GRM8: variants seen among roughly 807,000 people sequenced by gnomAD.
The protein encoded by GRM8 is glutamate metabotropic receptor 8.
GRM8 carries 47 observed loss-of-function variants against 87.2 expected under a neutral mutation model. The ratio of observed to expected loss-of-function variants is 0.54; its 90% CI spans 0.43 to 0.69. GRM8 has a LOEUF of 0.69. GRM8 is among the 30% of genes least tolerant of loss of function. GRM8 has a pLI of 0.00. For synonymous variants in GRM8, 396 were observed against 404.5 expected, an observed-to-expected ratio of 0.98 and a Z score of 0.25; for missense variants, 1,019 against 1,139.2, an observed-to-expected ratio of 0.89 and a Z score of 1.52.
intron 2 of GRM8, among the ~76,000 whole-genome samples, chr7:127,169,911 C>T (rs1360381486): frequency 2.0e-5 from 3 of 152,086 alleles, no homozygotes; most frequent in African/African-American, 4.8e-5. Context: ...TATTATTGTT[C>T]GTAGACAATG....
chr7:126,872,744 A>G (rs541407942), intron 6 of GRM8, among the ~76,000 whole-genome samples: 1 of 152,130 alleles, frequency 6.6e-6, no homozygotes, highest in Non-Finnish European at 1.5e-5. Flanking sequence ...AGTGTACTGC[A>G]TATATTACAC....
chr7:126,551,871 T>G (rs1325015777), intron 8 of GRM8, among the ~76,000 whole-genome samples: 5 of 152,114 alleles, frequency 3.3e-5, no homozygotes, highest in African/African-American at 1.2e-4. Flanking sequence ...TTTACTTCTC[T>G]AATGAAAATT....
chr7:127,097,335 A>C lies in GRM8; in HGVS notation c.727+9161T>G, dbSNP rs28951989. On this transcript the variant is annotated intron_variant, in intron 3 of 10. Coordinates refer to ENST00000339582, the MANE Select transcript of GRM8 (RefSeq NM_000845.3). Reference sequence around the variant, plus strand: ...AAATAATATTCAATAACCAAGGATGACAAAAACAGGACAGGGTAGAATACT... The same window carrying C: ...AAATAATATTCAATAACCAAGGATGCCAAAAACAGGACAGGGTAGAATACT... Among the ~76,000 whole-genome samples, 11 of 152,308 alleles carry C rather than the reference A, an allele frequency of 7.2e-5. No homozygotes were observed. The East Asian group carries it at 1.9e-3, about 27-fold the overall frequency.
At chr7:127,067,671 G>A (rs991498839) in intron 3 of GRM8, among the ~76,000 whole-genome samples, 2 of 151,986 alleles carry the variant, frequency 1.3e-5, no homozygotes, top group African/African-American at 2.4e-5. Context: ...TGTTTTAAAG[G>A]GTATTATCCT....
At chr7:126,516,921 T>C (rs1812254256) in intron 9 of GRM8, among the ~76,000 whole-genome samples, 1 of 152,098 alleles carries the variant, frequency 6.6e-6, no homozygotes, top group Admixed American at 6.6e-5. Flanking sequence ...ATTTAAAGAT[T>C]TCTTGACAGA....
At chr7:126,619,202 T>C (rs7803410) in intron 7 of GRM8, among the ~76,000 whole-genome samples, 48,627 of 151,992 alleles carry the variant, frequency 0.32, 8,405 homozygotes, top group East Asian at 0.43. Flanking sequence ...TCATAAAAAA[T>C]GATGAGTTCA....
intron 3 of GRM8, among the ~76,000 whole-genome samples, chr7:126,973,322 G>C (rs1358716938): frequency 1.3e-5 from 2 of 152,142 alleles, no homozygotes; most frequent in Non-Finnish European, 2.9e-5. Context: ...TTAGAGCTTT[G>C]GAGTGAAACC....
chr7:127,026,283 A>G (rs1381978775), intron 3 of GRM8, among the ~76,000 whole-genome samples: 1 of 152,124 alleles, frequency 6.6e-6, no homozygotes, highest in Non-Finnish European at 1.5e-5. Context: ...AGTCTTTGCT[A>G]TTGGGAATAG....
At chr7:127,164,010 G>A (rs1159839559) in intron 2 of GRM8, among the ~76,000 whole-genome samples, 1 of 152,070 alleles carries the variant, frequency 6.6e-6, no homozygotes, top group East Asian at 1.9e-4. Flanking sequence ...TGGAAGTGAG[G>A]CCTGGCAGGA....
At chr7:126,789,472 A>C (rs772296499) in intron 6 of GRM8, among the ~76,000 whole-genome samples, 4 of 152,186 alleles carry the variant, frequency 2.6e-5, no homozygotes, top group Non-Finnish European at 5.9e-5. Context: ...CACAATTCTT[A>C]GGTGACTGTT....
intron 9 of GRM8, among the ~76,000 whole-genome samples, chr7:126,518,838 T>C (rs1374107108): frequency 6.6e-6 from 1 of 151,998 alleles, no homozygotes; most frequent in Non-Finnish European, 1.5e-5. Flanking sequence ...AAACAGACCC[T>C]TAGAGACTAC....
chr7:126,537,811 T>C (rs1009503307), intron 8 of GRM8, among the ~76,000 whole-genome samples: 12 of 151,778 alleles, frequency 7.9e-5, no homozygotes, highest in Non-Finnish European at 1.6e-4. Context: ...AAAAAAACAC[T>C]ATTTGAAAGT....
chr7:127,026,191 T>C (rs933637133), intron 3 of GRM8, among the ~76,000 whole-genome samples: 1 of 152,314 alleles, frequency 6.6e-6, no homozygotes, highest in Non-Finnish European at 1.5e-5. Context: ...TCCTTTTATA[T>C]GGCTGCATAG....
chr7:126,658,355 C>T (rs1804766621), intron 7 of GRM8, among the ~76,000 whole-genome samples: 1 of 151,998 alleles, frequency 6.6e-6, no homozygotes, highest in Non-Finnish European at 1.5e-5. Flanking sequence ...AATGGCCTGG[C>T]CTTATACTTG....
At chr7:127,150,532 C>T (rs1430688896) in intron 2 of GRM8, among the ~76,000 whole-genome samples, 2 of 152,084 alleles carry the variant, frequency 1.3e-5, no homozygotes, top group African/African-American at 2.4e-5. Flanking sequence ...GTTGGTGGTG[C>T]CCAGTGCTAC....
At chr7:127,231,589 C>T (rs1472928988) in intron 2 of GRM8, among the ~76,000 whole-genome samples, 1 of 152,154 alleles carries the variant, frequency 6.6e-6, no homozygotes, top group Non-Finnish European at 1.5e-5. Flanking sequence ...TTAGTGCTTT[C>T]ATTTCTGACA....
intron 8 of GRM8, among the ~76,000 whole-genome samples, chr7:126,607,974 T>C (rs1028891971): frequency 1.3e-5 from 2 of 151,672 alleles, no homozygotes; most frequent in Admixed American, 1.3e-4. Flanking sequence ...GTGGAAGAGA[T>C]GCTGGATGAA....
chr7:126,619,548 T>C (rs1799894177), intron 7 of GRM8, among the ~76,000 whole-genome samples: 1 of 134,126 alleles, frequency 7.5e-6, no homozygotes, highest in Non-Finnish European at 1.7e-5. Context: ...GCTATTTACA[T>C]TAAAAAAAGA....
chr7:126,763,942 T>G lies in GRM8; in HGVS notation c.1357+5923A>C, dbSNP rs184848514. Among the ~76,000 whole-genome samples, 11 of 151,724 alleles carry G rather than the reference T, an allele frequency of 7.3e-5. No homozygotes were observed. In the East Asian group the frequency reaches 1.9e-3, roughly 27 times the overall value. ...TTGTATGTCTCTCAGTAAAGTTGTC[T>G]TCAAACAGGTTCAATTTATTCCAAA... On this transcript the variant is annotated intron_variant, in intron 7 of 10. Transcript: ENST00000339582.
Sources: gnomAD v4.1 joint callset for allele counts (sites outside exome capture counted in the v4.1 genomes callset) on GRCh38, gnomAD v4.1.1 for gene constraint, MANE v1.5 for transcripts, NCBI Gene and HGNC (gene_info 2026-07-23, HGNC 2026-07-21) for gene names.